The following RAB27B variants were observed in gnomAD, a reference collection of about 807,000 sequenced individuals.
The protein encoded by RAB27B is RAB27B, member RAS oncogene family.
In RAB27B, 15 loss-of-function variants were observed where a neutral mutation model predicts 24.6. The observed-to-expected ratio is 0.61, with a 90% CI of 0.41 to 0.94. The LOEUF is 0.94. RAB27B is among the 40% of genes least tolerant of loss of function. RAB27B has a pLI of 0.00. For missense variants in RAB27B, 261 were observed against 266.8 expected (o/e 0.98, Z 0.15); for synonymous variants, 105 against 92.5 (o/e 1.14, Z -0.78).
At chr18:54,798,846 T>C (rs1334499201) in intron 2 of RAB27B, among the ~76,000 whole-genome samples, 1 of 152,248 alleles carries the variant, frequency 6.6e-6, no homozygotes, top group Non-Finnish European at 1.5e-5. Flanking sequence ...CCACATCTTA[T>C]AAATTCAAAA....
At chr18:54,750,484 C>G (rs1346125554) in intron 2 of RAB27B, among the ~76,000 whole-genome samples, 1 of 152,116 alleles carries the variant, frequency 6.6e-6, no homozygotes, top group Non-Finnish European at 1.5e-5. Flanking sequence ...CATCGTTAGT[C>G]AATTTGGCTA....
intron 1 of RAB27B, among the ~76,000 whole-genome samples, chr18:54,831,489 G>T (rs1472817579): frequency 6.6e-6 from 1 of 152,122 alleles, no homozygotes; most frequent in Non-Finnish European, 1.5e-5. Context: ...TTTAGATATA[G>T]CCCGTTGAAC....
Position 54,793,152 on chromosome 18 carries a change from A to G in RAB27B, c.-20+75011A>G, listed in dbSNP as rs545186201. On this transcript the variant is annotated intron_variant, in intron 2 of 4. Transcript: ENST00000586570. ...ATAATGGCTAACTTATGATATTATT[A>G]TGTGAAAATTGAGACTATCTCAGTT... Among the ~76,000 whole-genome samples, 4 of 151,524 alleles carry G rather than the reference A, an allele frequency of 2.6e-5. No homozygotes were observed. The South Asian group carries it at 8.3e-4, about 32-fold the overall frequency.
chr18:54,750,638 C>A (rs1189207763), intron 2 of RAB27B, among the ~76,000 whole-genome samples: 1 of 152,148 alleles, frequency 6.6e-6, no homozygotes, highest in Non-Finnish European at 1.5e-5. Context: ...TGAAGGAATT[C>A]ATTCATTTTT....
rs921978510 is a variant in RAB27B at position 54,863,609 on chromosome 18, T to G, written c.-19-13958T>G. Among the ~76,000 whole-genome samples, 3 of 152,190 alleles carry G rather than the reference T, an allele frequency of 2.0e-5. No homozygotes were observed. In the East Asian group the frequency reaches 5.8e-4, roughly 29 times the overall value. ...ACAAAGTTGTGCCACCATTACTATT[T>G]AAATCCAGAACACGTTCACCCTTCC... is the stretch of plus-strand genomic sequence containing the variant. On this transcript the variant is annotated intron_variant, in intron 1 of 5. Transcript: ENST00000262094.
intron 2 of RAB27B, among the ~76,000 whole-genome samples, chr18:54,762,762 C>T (rs1246508443): frequency 1.3e-5 from 2 of 152,120 alleles, no homozygotes; most frequent in Non-Finnish European, 1.5e-5. Context: ...TATCTGTCTT[C>T]CCTGCTTTAT....
intron 4 of RAB27B, 58 bp downstream of exon 4, chr18:54,884,494 T>A (rs967000991): frequency 1.8e-6 from 2 of 1,118,954 alleles, no homozygotes; most frequent in Admixed American, 3.6e-5. Context: ...CCTTAGGTGC[T>A]TGTTGGTCTT....
At chr18:54,757,220 G>A (rs1257879987) in intron 2 of RAB27B, among the ~76,000 whole-genome samples, 2 of 152,132 alleles carry the variant, frequency 1.3e-5, no homozygotes, top group African/African-American at 4.8e-5. Flanking sequence ...GGACATCAGA[G>A]TCAGACAGAA....
chr18:54,736,238 C>T (rs1029752831), intron 2 of RAB27B, among the ~76,000 whole-genome samples: 5 of 151,940 alleles, frequency 3.3e-5, no homozygotes, highest in African/African-American at 9.7e-5. Flanking sequence ...TTTCTATGCT[C>T]GATTATGATG....
chr18:54,825,548 GT>G (rs1024038605), upstream of RAB27B, among the ~76,000 whole-genome samples: 1 of 151,886 alleles, frequency 6.6e-6, no homozygotes, highest in Non-Finnish European at 1.5e-5. Flanking sequence ...CCATCTGTCA[GT>G]TTTTTTGTAA....
At chr18:54,860,859 C>T (rs958647108) in intron 1 of RAB27B, among the ~76,000 whole-genome samples, 2 of 152,162 alleles carry the variant, frequency 1.3e-5, no homozygotes, top group African/African-American at 2.4e-5. Context: ...ATATAATCTC[C>T]ATTTTCCAGT....
intron 2 of RAB27B, among the ~76,000 whole-genome samples, chr18:54,803,450 T>A (rs556172315): frequency 3.9e-4 from 60 of 152,244 alleles, no homozygotes; most frequent in African/African-American, 1.4e-3. Context: ...ATGAGCAGTT[T>A]GCATTTGTGT....
Position 54,892,638 on chromosome 18 carries a change from A to G in RAB27B, c.*3225A>G, listed in dbSNP as rs992082571. 6.6e-6 allele frequency: 1 copy of G among 152,116 alleles called. No homozygotes were observed. The highest frequency in any genetic ancestry group is 1.5e-5 in the Non-Finnish European group (1 of 67,980). 9.4% of individuals were successfully genotyped at this position (152,116 alleles called of 1,614,324 possible). A position where few individuals can be genotyped will look rare whatever the true frequency, so the allele number is the denominator to read the frequency against. ...GAAGTCAAGGATTGGCAGAGAAAATACTAAACGCCAAGAGTTGAGCCTGTG... is the reference window on the plus strand; with the variant it reads ...GAAGTCAAGGATTGGCAGAGAAAATGCTAAACGCCAAGAGTTGAGCCTGTG... On this transcript the variant is annotated 3_prime_UTR_variant, in exon 6 of 6. Transcript: ENST00000262094.
At chr18:54,879,283 G>C in intron 2 of RAB27B, 86 bp from the exon 3 acceptor site, 1 of 1,011,100 alleles carries the variant, frequency 9.9e-7, no homozygotes, top group Non-Finnish European at 1.6e-6. Flanking sequence ...TAGTAATTGA[G>C]AAAAAAACAT....
At chr18:54,884,228 G>A (rs146237278) in intron 3 of RAB27B, 105 bp from the exon 4 acceptor site, 14 of 662,270 alleles carry the variant, frequency 2.1e-5, no homozygotes, top group South Asian at 1.9e-4. Flanking sequence ...ATTCCATAAG[G>A]GCCAGTCACG....
chr18:54,869,636 G>A (rs1325636280), intron 1 of RAB27B, among the ~76,000 whole-genome samples: 3 of 152,176 alleles, frequency 2.0e-5, no homozygotes, highest in African/African-American at 7.2e-5. Context: ...GACATTCTAA[G>A]AGAAAAGTGA....
chr18:54,872,591 C>T (rs1912518001), intron 1 of RAB27B, among the ~76,000 whole-genome samples: 1 of 149,336 alleles, frequency 6.7e-6, no homozygotes, highest in Non-Finnish European at 1.5e-5. Context: ...CGCCATTGCA[C>T]TCCAGCCTGG....
intron 2 of RAB27B, among the ~76,000 whole-genome samples, chr18:54,737,170 C>T (rs1383998788): frequency 2.0e-5 from 3 of 152,108 alleles, no homozygotes; most frequent in East Asian, 3.9e-4. Flanking sequence ...AGGTCAGTTT[C>T]GAACCATATC....
At chr18:54,763,854 A>G (rs1598886723) in intron 2 of RAB27B, among the ~76,000 whole-genome samples, 1 of 152,136 alleles carries the variant, frequency 6.6e-6, no homozygotes, top group Non-Finnish European at 1.5e-5. Flanking sequence ...AATCGGATGA[A>G]TGAGAGATAT....
Sources: allele counts gnomAD v4.1 joint callset (sites outside exome capture counted in the v4.1 genomes callset), GRCh38; gene constraint gnomAD v4.1.1; transcripts MANE v1.5; gene names NCBI Gene and HGNC (gene_info 2026-07-23, HGNC 2026-07-21).